Variants in RFX4 observed in about 807,000 individuals in gnomAD.
RFX4 encodes transcription factor RFX4.
A neutral mutation model predicts 95.0 loss-of-function variants in RFX4; 10 were observed. The observed-to-expected ratio is 0.11, with a 90% CI of 0.06 to 0.18. The LOEUF (loss-of-function observed/expected upper bound fraction) is 0.18, where lower values mean the gene tolerates loss of function less well. Ranked by LOEUF, RFX4 falls within the 10% of genes least tolerant of loss-of-function variation. The probability of loss-of-function intolerance (pLI) is 1.00; values close to 1 mark genes in which losing one functional copy is unlikely to be tolerated. For synonymous variants in RFX4, 321 were observed against 340.7 expected (o/e 0.94, Z 0.64); for missense variants, 640 against 922.0 (o/e 0.69, Z 3.96).
chr12:106,600,753 C>T (rs186872166), intron 1 of RFX4, among the ~76,000 whole-genome samples: 2 of 152,164 alleles, frequency 1.3e-5, no homozygotes, highest in Admixed American at 6.5e-5. Flanking sequence ...CCTCCCGCTT[C>T]GTCATGCTGG....
At chr12:106,741,290 A>G (rs991810018) in intron 15 of RFX4, among the ~76,000 whole-genome samples, 2 of 151,990 alleles carry the variant, frequency 1.3e-5, no homozygotes, top group Admixed American at 6.6e-5. Context: ...TCAAAAAACA[A>G]AAAAAAAGAT....
At chr12:106,608,533 A>G (rs1445646681) in intron 1 of RFX4, among the ~76,000 whole-genome samples, 3 of 152,200 alleles carry the variant, frequency 2.0e-5, no homozygotes, top group Admixed American at 2.0e-4. Flanking sequence ...AATTCATGGA[A>G]TCTGACCAAG....
Position 106,720,013 on chromosome 12 carries a change from A to G in RFX4, c.1192A>G (p.Ile398Val), listed in dbSNP as rs765282952. 1.2e-6 allele frequency: 2 copies of G among 1,614,224 alleles called. No individual in the cohort carries two copies. Among genetic ancestry groups the G allele is most frequent in the Admixed American group, 3.3e-5 (2 of 60,026 alleles). ...LEEQSPIESY[I>V]EWLDTMVDRC... ...GGAGCAGTCTCCCATCGAGTCCTAC[A>G]TTGAGTGGCTGGATACCATGGTTGA... is the stretch of plus-strand genomic sequence containing the variant. The change falls in exon 12 of 18, where the codon ATT (isoleucine) becomes GTT (valine). Residue 398 changes from isoleucine to valine, a missense_variant. Physicochemically the swap from Ile to Val is conservative, Grantham distance 29. Transcript: ENST00000392842. This position sits in a 1 kb window ranked among gnomAD's most constrained non-coding sequence, Gnocchi z 4.2.
At chr12:106,698,899 A>G (rs2041935379) in intron 8 of RFX4, among the ~76,000 whole-genome samples, 1 of 151,610 alleles carries the variant, frequency 6.6e-6, no homozygotes, top group Non-Finnish European at 1.5e-5. Context: ...TTCTGTTTTC[A>G]ATTTTATTGA....
intron 2 of RFX4, among the ~76,000 whole-genome samples, chr12:106,627,750 C>T (rs71452919): frequency 0.023 from 3,509 of 152,308 alleles, 52 homozygotes; most frequent in Non-Finnish European, 0.037. Flanking sequence ...ACGGAAGGAA[C>T]TGCTCGGCCT....
At chr12:106,725,980 C>G (rs2042487752) in intron 13 of RFX4, among the ~76,000 whole-genome samples, 1 of 152,094 alleles carries the variant, frequency 6.6e-6, no homozygotes, top group South Asian at 2.1e-4. Flanking sequence ...GGCGAAGTGG[C>G]TCACACCTGT....
intron 2 of RFX4, among the ~76,000 whole-genome samples, chr12:106,626,058 G>T (rs1035343899): frequency 4.6e-5 from 7 of 152,128 alleles, no homozygotes; most frequent in Admixed American, 2.6e-4. Flanking sequence ...TATTAACAAT[G>T]CAAGGCCATA....
rs112766296 is a variant in RFX4 at position 106,701,853 on chromosome 12, C to T, written c.833+5407C>T. 8.3e-3 allele frequency among the ~76,000 whole-genome samples: 1,260 copies of T among 152,066 alleles called. 24 individuals carry two copies. Among genetic ancestry groups the T allele is most frequent in the African/African-American group, 0.029 (1,202 of 41,482 alleles). ...CCCAGACAACATAGCAAGATCCTGT[C>T]TCTACAAAAAAAAATTAGCTGGGTA... On this transcript the variant is annotated intron_variant, in intron 8 of 17. Coordinates refer to ENST00000392842, the MANE Select transcript of RFX4 (RefSeq NM_213594.3).
intron 2 of RFX4, among the ~76,000 whole-genome samples, chr12:106,628,333 G>C (rs1419261189): frequency 1.3e-5 from 2 of 152,158 alleles, no homozygotes; most frequent in Middle Eastern, 3.2e-3. Flanking sequence ...CACTATGTCT[G>C]ACTGTATCTC....
chr12:106,691,324 T>C (rs2041777070), intron 7 of RFX4, among the ~76,000 whole-genome samples: 1 of 152,154 alleles, frequency 6.6e-6, no homozygotes, highest in African/African-American at 2.4e-5. Context: ...TCAACCAGAG[T>C]GTTCAGAGAT....
intron 13 of RFX4, among the ~76,000 whole-genome samples, chr12:106,727,787 T>C (rs1476788918): frequency 6.6e-6 from 1 of 152,114 alleles, no homozygotes; most frequent in Non-Finnish European, 1.5e-5. Flanking sequence ...ACCTGGCTAA[T>C]TTTTTGTATC....
At chr12:106,743,653 T>C (rs756231614) in intron 15 of RFX4, among the ~76,000 whole-genome samples, 13 of 152,212 alleles carry the variant, frequency 8.5e-5, no homozygotes, top group Non-Finnish European at 1.9e-4. Flanking sequence ...CACCCTCTGT[T>C]GGGGATACAG....
chr12:106,728,764 C>T (rs1038297516), intron 13 of RFX4, among the ~76,000 whole-genome samples: 1 of 152,112 alleles, frequency 6.6e-6, no homozygotes, highest in Non-Finnish European at 1.5e-5. Flanking sequence ...CTGTTTACTG[C>T]CCAATAATCT....
At chr12:106,615,493 G>A (rs1051463729) in intron 2 of RFX4, among the ~76,000 whole-genome samples, 2 of 152,138 alleles carry the variant, frequency 1.3e-5, no homozygotes, top group African/African-American at 4.8e-5. Context: ...TTTAGAATTA[G>A]TTGTCATTTT....
chr12:106,585,210 C>T (rs2137157308), intron 1 of RFX4, among the ~76,000 whole-genome samples: 1 of 152,356 alleles, frequency 6.6e-6, no homozygotes, highest in East Asian at 1.9e-4. Context: ...TTAGCTGCCT[C>T]CTCCACAGGG....
chr12:106,729,834 C>A (rs2042576370), intron 13 of RFX4, among the ~76,000 whole-genome samples: 1 of 152,216 alleles, frequency 6.6e-6, no homozygotes, highest in African/African-American at 2.4e-5. Flanking sequence ...GTTTGATCAA[C>A]AGCGCATGTA....
At chr12:106,719,056 A>C (rs1464335950) in intron 11 of RFX4, among the ~76,000 whole-genome samples, 1 of 152,014 alleles carries the variant, frequency 6.6e-6, no homozygotes, top group African/African-American at 2.4e-5. Flanking sequence ...TGGGAGGTGG[A>C]GCTTGCAGTG....
At chr12:106,583,416 AGAGGGGG>A (rs2039402578) in intron 1 of RFX4, 53 bp downstream of exon 1, 1 of 1,492,438 alleles carries the variant, frequency 6.7e-7, no homozygotes, top group African/African-American at 1.4e-5. Context: ...AGGAGAAGGG[AGAGGGGG>A]AACTTTAGAA....
At chr12:106,612,497 T>A (rs1467164992) in intron 2 of RFX4, among the ~76,000 whole-genome samples, 2 of 152,230 alleles carry the variant, frequency 1.3e-5, no homozygotes, top group Non-Finnish European at 2.9e-5. Flanking sequence ...GTTCTAACAG[T>A]ACTTTTGTGT....
Sources: gnomAD v4.1 joint callset for allele counts (sites outside exome capture counted in the v4.1 genomes callset) on GRCh38, gnomAD v4.1.1 for gene constraint, Gnocchi (gnomAD v3.1) non-coding constraint, MANE v1.5 for transcripts, NCBI Gene and HGNC (gene_info 2026-07-23, HGNC 2026-07-21) for gene names.